Variants in EIF3H observed in about 807,000 individuals in gnomAD.
The protein encoded by EIF3H is eukaryotic translation initiation factor 3 subunit H, also known as eIF-3-gamma.
A neutral mutation model predicts 44.2 loss-of-function variants in EIF3H; 26 were observed. That is an observed-to-expected ratio of 0.59 (90% CI 0.43 to 0.82). The LOEUF is 0.82. EIF3H is among the 40% of genes least tolerant of loss of function. EIF3H has a pLI of 0.00. For synonymous variants in EIF3H, 166 were observed against 151.9 expected (o/e 1.09, Z -0.68); for missense variants, 359 against 432.8 (o/e 0.83, Z 1.51).
intron 1 of EIF3H, among the ~76,000 whole-genome samples, chr8:116,751,190 C>T (rs1227325781): frequency 4.1e-5 from 6 of 148,044 alleles, no homozygotes; most frequent in South Asian, 2.1e-4. Flanking sequence ...CCAGCCTGGG[C>T]GACAGAGCGA....
At chr8:116,678,069 C>T (rs376169220) in intron 2 of EIF3H, among the ~76,000 whole-genome samples, 2 of 151,856 alleles carry the variant, frequency 1.3e-5, no homozygotes, top group East Asian at 1.9e-4. Context: ...GCTGCCATCT[C>T]GGCTCACTGC....
chr8:116,735,061 C>T (rs557183296), intron 1 of EIF3H, among the ~76,000 whole-genome samples: 3 of 152,310 alleles, frequency 2.0e-5, no homozygotes, highest in African/African-American at 7.2e-5. Flanking sequence ...ATGAAGCTAA[C>T]ACCAGAATTC....
intron 1 of EIF3H, among the ~76,000 whole-genome samples, chr8:116,745,051 T>G (rs887202583): frequency 6.6e-6 from 1 of 152,196 alleles, no homozygotes; most frequent in African/African-American, 2.4e-5. Context: ...ATTTATCATA[T>G]ACAGAAACCA....
intron 2 of EIF3H, among the ~76,000 whole-genome samples, chr8:116,680,976 A>T (rs1206196567): frequency 1.4e-5 from 2 of 146,672 alleles, no homozygotes; most frequent in African/African-American, 5.4e-5. Context: ...TATAAATTAA[A>T]AAAAAAAAAG....
chr8:116,700,154 A>G (rs1814348495), intron 2 of EIF3H, among the ~76,000 whole-genome samples: 1 of 152,212 alleles, frequency 6.6e-6, no homozygotes. Flanking sequence ...AATAGAAGAC[A>G]GTATTTTTAA....
intron 1 of EIF3H, among the ~76,000 whole-genome samples, chr8:116,754,357 C>T (rs1815406701): frequency 6.6e-6 from 1 of 152,144 alleles, no homozygotes; most frequent in Admixed American, 6.5e-5. Flanking sequence ...CTGATCCGCC[C>T]GCCTCGGCCT....
chr8:116,645,126 G>A, intron 7 of EIF3H, 23 bp from the exon 8 acceptor site: 1 of 1,563,554 alleles, frequency 6.4e-7, no homozygotes. Context: ...GAAAGAGATA[G>A]AGCCATAATG....
chr8:116,700,011 G>A (rs1814345431), intron 2 of EIF3H, among the ~76,000 whole-genome samples: 1 of 152,194 alleles, frequency 6.6e-6, no homozygotes, highest in Non-Finnish European at 1.5e-5. Flanking sequence ...TCTCCATGTT[G>A]GTCAGGATGG....
intron 5 of EIF3H, among the ~76,000 whole-genome samples, chr8:116,653,611 C>T (rs1023329384): frequency 9.9e-5 from 15 of 152,232 alleles, no homozygotes; most frequent in African/African-American, 2.9e-4. Flanking sequence ...TCTGCTCTGG[C>T]TACAGTATCA....
intron 2 of EIF3H, among the ~76,000 whole-genome samples, chr8:116,679,402 G>A (rs1232019150): frequency 1.5e-5 from 1 of 67,690 alleles, no homozygotes; most frequent in Non-Finnish European, 4.6e-5. Context: ...CCGTCCGGGA[G>A]GGAGGTGGGG....
intron 5 of EIF3H, among the ~76,000 whole-genome samples, chr8:116,655,137 A>T (rs762071195): frequency 6.6e-6 from 1 of 152,014 alleles, no homozygotes; most frequent in Non-Finnish European, 1.5e-5. Context: ...GGCATTTAAG[A>T]GGAGCTATAC....
chr8:116,736,237 G>C (rs1339149016), intron 1 of EIF3H, among the ~76,000 whole-genome samples: 1 of 152,008 alleles, frequency 6.6e-6, no homozygotes, highest in East Asian at 1.9e-4. Flanking sequence ...AGGTGAGAAG[G>C]CAAATACTGA....
chr8:116,748,153 A>AAAAACAAAAAAAAAAACAAAAACAAAAC (rs1402089529), intron 1 of EIF3H, among the ~76,000 whole-genome samples: 9 of 148,042 alleles, frequency 6.1e-5, no homozygotes, highest in Admixed American at 5.3e-4. Flanking sequence ...ACTCTGTCTC[A>AAAAACAAAAAAAAAAACAAAAACAAAAC]AAAACAAAAA....
chr8:116,764,993 T>C (rs978963669), intron 1 of EIF3H, among the ~76,000 whole-genome samples: 2 of 152,204 alleles, frequency 1.3e-5, no homozygotes, highest in Non-Finnish European at 2.9e-5. Context: ...AAATCCCTAG[T>C]GCTGCACCAC....
intron 1 of EIF3H, among the ~76,000 whole-genome samples, chr8:116,739,548 G>A (rs565759367): frequency 1.3e-5 from 2 of 152,370 alleles, no homozygotes; most frequent in South Asian, 4.1e-4. Flanking sequence ...TACTCGGGAG[G>A]CTGAGGCAGG....
chr8:116,671,863 A>G (rs1219524024), intron 2 of EIF3H, among the ~76,000 whole-genome samples: 1 of 152,272 alleles, frequency 6.6e-6, no homozygotes. Flanking sequence ...ACCTTGTAAA[A>G]TAATACAGTG....
chr8:116,692,248 A>G (rs915031430), intron 2 of EIF3H, among the ~76,000 whole-genome samples: 9 of 152,216 alleles, frequency 5.9e-5, no homozygotes, highest in Non-Finnish European at 1.2e-4. Context: ...CACAATTTCA[A>G]TAATATGAAA....
intron 1 of EIF3H, among the ~76,000 whole-genome samples, chr8:116,734,840 C>T (rs138884599): frequency 1.2e-3 from 188 of 152,266 alleles, no homozygotes; most frequent in African/African-American, 1.9e-3. Flanking sequence ...GGATTACAGG[C>T]GTGAGCCACC....
At chr8:116,652,038 G>C (rs1005822400) in intron 5 of EIF3H, among the ~76,000 whole-genome samples, 1 of 152,184 alleles carries the variant, frequency 6.6e-6, no homozygotes, top group East Asian at 1.9e-4. Flanking sequence ...GTAAGTCACA[G>C]GAGTAAGACA....
Sources: gnomAD v4.1 joint callset for allele counts (sites outside exome capture counted in the v4.1 genomes callset) on GRCh38, gnomAD v4.1.1 for gene constraint, MANE v1.5 for transcripts, NCBI Gene and HGNC (gene_info 2026-07-23, HGNC 2026-07-21) for gene names.